The following EXOC6B variants were observed in gnomAD, a reference collection of about 807,000 sequenced individuals.
EXOC6B encodes the protein exocyst complex component 6B.
Under a neutral mutation model 113.5 loss-of-function variants are expected in EXOC6B, and 54 were observed. That is an observed-to-expected ratio of 0.48 (90% CI 0.38 to 0.60). EXOC6B has a LOEUF of 0.60. Among genes scored for constraint, EXOC6B ranks in the 20% least tolerant of loss-of-function variants. The probability of loss-of-function intolerance (pLI) is 0.00; values close to 1 mark genes in which losing one functional copy is unlikely to be tolerated. For synonymous variants in EXOC6B, 357 were observed against 339.0 expected (o/e 1.05, Z -0.58); for missense variants, 797 against 977.5 (o/e 0.82, Z 2.46).
intron 1 of EXOC6B, among the ~76,000 whole-genome samples, chr2:72,796,518 C>A (rs1684962846): frequency 6.6e-6 from 1 of 151,632 alleles, no homozygotes; most frequent in South Asian, 2.1e-4. Context: ...TTTTCCCCCA[C>A]TAGACAATGT....
rs3062440 is a variant in EXOC6B, at chr2:72,431,485, TTATCTATCTATCTATCTATC to T, written c.1980+33655_1980+33674del. Among the ~76,000 whole-genome samples, 71 of 133,892 alleles carry T rather than the reference TTATCTATCTATCTATCTATC, an allele frequency of 5.3e-4. 1 individual carries two copies. The highest frequency in any genetic ancestry group is 4.3e-3 in the South Asian group (16 of 3,704). The allele number at this position is 133,892 out of a possible 152,430, so 87.8% of individuals were successfully genotyped here. A position where few individuals can be genotyped will look rare whatever the true frequency, so the allele number is the denominator to read the frequency against. ...TGCCACCATGACTGGCTTGATTTCT[TTATCTATCTATCTATCTATC>T]TATCTATCTATCTATCTATCTATCT... is the stretch of plus-strand genomic sequence containing the variant. On this transcript the variant is annotated intron_variant, in intron 18 of 21. Transcript: ENST00000272427.
At chr2:72,487,131 T>C (rs1473278854) in intron 16 of EXOC6B, among the ~76,000 whole-genome samples, 1 of 152,214 alleles carries the variant, frequency 6.6e-6, no homozygotes, top group East Asian at 1.9e-4. Context: ...ATTACTATGG[T>C]ACATTTGCCA....
intron 20 of EXOC6B, among the ~76,000 whole-genome samples, chr2:72,231,739 G>T (rs764180548): frequency 6.6e-6 from 1 of 152,162 alleles, no homozygotes; most frequent in Non-Finnish European, 1.5e-5. Context: ...ATGCTCAGCT[G>T]CAAGGGCAAT....
chr2:72,705,965 C>A (rs1431163020), intron 6 of EXOC6B, among the ~76,000 whole-genome samples: 3 of 152,166 alleles, frequency 2.0e-5, no homozygotes, highest in Non-Finnish European at 2.9e-5. Flanking sequence ...GCCTATATTT[C>A]TGATCCACTT....
rs2104164374 is a variant in EXOC6B, at chr2:72,176,477, T to C, written c.*2858A>G. The C allele has an allele frequency of 6.6e-6, 1 of 152,308 alleles. No homozygotes were observed. The highest frequency in any genetic ancestry group is 3.4e-3 in the Middle Eastern group (1 of 294). 9.4% of individuals were successfully genotyped at this position (152,308 alleles called of 1,614,324 possible). ...ACTTGCTGAGTAAGCACTTGTCAAG[T>C]GTACAGTAAGGCTAGACTGACTTGG... On this transcript the variant is annotated 3_prime_UTR_variant, in exon 22 of 22. Transcript: ENST00000272427.
intron 1 of EXOC6B, among the ~76,000 whole-genome samples, chr2:72,801,111 C>T (rs1039019270): frequency 2.0e-5 from 3 of 152,088 alleles, no homozygotes; most frequent in Admixed American, 6.5e-5. Context: ...CAGATATATG[C>T]CCCAAATTAG....
chr2:72,595,043 G>C (rs577194914), intron 6 of EXOC6B, among the ~76,000 whole-genome samples: 1 of 152,134 alleles, frequency 6.6e-6, no homozygotes, highest in Non-Finnish European at 1.5e-5. Flanking sequence ...CAGATCACTT[G>C]AGGTCAGGAG....
intron 1 of EXOC6B, among the ~76,000 whole-genome samples, chr2:72,745,926 T>C (rs1405500329): frequency 6.6e-6 from 1 of 152,122 alleles, no homozygotes; most frequent in African/African-American, 2.4e-5. Flanking sequence ...AAGTGTGGCA[T>C]TTTTTTCTTT....
Position 72,355,217 on chromosome 2 carries a change from C to G in EXOC6B, c.2123-20197G>C, listed in dbSNP as rs144491301. 2.0e-5 allele frequency among the ~76,000 whole-genome samples: 3 copies of G among 152,194 alleles called. No individual in the cohort carries two copies. In the East Asian group the frequency reaches 5.8e-4, roughly 29 times the overall value. ...CTATTGATTACTGTATGCATATATA[C>G]ACATACTCATATATATAATTGCCAA... On this transcript the variant is annotated intron_variant, in intron 19 of 21. Coordinates refer to ENST00000272427, the MANE Select transcript of EXOC6B (RefSeq NM_015189.3).
At chr2:72,638,024 A>C (rs1672968408) in intron 6 of EXOC6B, among the ~76,000 whole-genome samples, 1 of 152,128 alleles carries the variant, frequency 6.6e-6, no homozygotes, top group African/African-American at 2.4e-5. Flanking sequence ...AGCAGAAATA[A>C]ATGAACTTGA....
chr2:72,462,541 T>C (rs1201752988), intron 18 of EXOC6B: 1 of 152,108 alleles, frequency 6.6e-6, no homozygotes, highest in Non-Finnish European at 1.5e-5. Flanking sequence ...ATTGGATTAG[T>C]GCCTTATAGA....
chr2:72,191,994 C>A (rs1426006143), intron 20 of EXOC6B, among the ~76,000 whole-genome samples: 2 of 152,106 alleles, frequency 1.3e-5, no homozygotes, highest in Non-Finnish European at 2.9e-5. Context: ...AAATATGGAG[C>A]CTGGTGGAGA....
At chr2:72,696,109 A>C (rs890290215) in intron 6 of EXOC6B, among the ~76,000 whole-genome samples, 2 of 152,254 alleles carry the variant, frequency 1.3e-5, no homozygotes, top group African/African-American at 4.8e-5. Context: ...TATGTCAGTC[A>C]TGTATCACAT....
chr2:72,515,243 C>T lies in EXOC6B; in HGVS notation c.916-117G>A, dbSNP rs775871545. On this transcript the variant is annotated intron_variant, in intron 8 of 21. Transcript: ENST00000272427. ...GAGGTAGTATCACATTTCTCAAAAT[C>T]TGCTATTTTAACATTGATGATAACA... 616 of 1,022,364 alleles carry T rather than the reference C, an allele frequency of 6.0e-4. 2 individuals carry two copies. The highest frequency in any genetic ancestry group is 5.6e-3 in the Middle Eastern group (23 of 4,142). The allele number at this position is 1,022,364 out of a possible 1,614,324, so 63.3% of individuals were successfully genotyped here. A position where few individuals can be genotyped will look rare whatever the true frequency, so the allele number is the denominator to read the frequency against.
chr2:72,669,973 A>G (rs1675677717), intron 6 of EXOC6B, among the ~76,000 whole-genome samples: 1 of 152,232 alleles, frequency 6.6e-6, no homozygotes, highest in African/African-American at 2.4e-5. Flanking sequence ...TTTAATATGC[A>G]CTGAACTTAC....
intron 20 of EXOC6B, among the ~76,000 whole-genome samples, chr2:72,332,883 A>T (rs1302768006): frequency 6.6e-6 from 1 of 152,154 alleles, no homozygotes; most frequent in East Asian, 1.9e-4. Context: ...GACTAAGATG[A>T]ACTGCAAAGA....
At chr2:72,749,940 CAT>C (rs1328243170) in intron 1 of EXOC6B, among the ~76,000 whole-genome samples, 1 of 151,658 alleles carries the variant, frequency 6.6e-6, no homozygotes, top group African/African-American at 2.4e-5. Flanking sequence ...TAAGTAACCT[CAT>C]TTGTAGATGT....
At chr2:72,759,959 C>T (rs1174354325) in intron 1 of EXOC6B, among the ~76,000 whole-genome samples, 3 of 152,106 alleles carry the variant, frequency 2.0e-5, no homozygotes, top group Non-Finnish European at 4.4e-5. Context: ...AAGGGAGTTG[C>T]GTCAGTGAAC....
intron 6 of EXOC6B, among the ~76,000 whole-genome samples, chr2:72,701,077 C>T (rs2104635308): frequency 6.6e-6 from 1 of 152,152 alleles, no homozygotes; most frequent in Admixed American, 6.5e-5. Context: ...GGTGCGGTGG[C>T]TCACGCCTGT....
Sources: allele counts gnomAD v4.1 joint callset (sites outside exome capture counted in the v4.1 genomes callset), GRCh38; gene constraint gnomAD v4.1.1; transcripts MANE v1.5; gene names NCBI Gene and HGNC (gene_info 2026-07-23, HGNC 2026-07-21).